CLTCL1: variants seen among roughly 807,000 people sequenced by gnomAD.
CLTCL1 encodes clathrin heavy chain 2.
Under a neutral mutation model 190.0 loss-of-function variants are expected in CLTCL1, and 159 were observed. The observed-to-expected ratio is 0.84, with a 90% CI of 0.74 to 0.95. The LOEUF (loss-of-function observed/expected upper bound fraction) is 0.95. CLTCL1 is among the 40% of genes least tolerant of loss of function. The probability of loss-of-function intolerance (pLI) is 0.00; values close to 1 mark genes in which losing one functional copy is unlikely to be tolerated. For synonymous variants in CLTCL1, 752 were observed against 769.6 expected (o/e 0.98, Z 0.38); for missense variants, 1,878 against 2,033.4 (o/e 0.92, Z 1.47).
chr22:19,265,340 A>C (rs1482878547), intron 2 of CLTCL1, among the ~76,000 whole-genome samples: 1 of 152,198 alleles, frequency 6.6e-6, no homozygotes, highest in Non-Finnish European at 1.5e-5. Flanking sequence ...ATCAGACTGA[A>C]CTAAGATGGG....
chr22:19,188,207 A>AG, intron 27 of CLTCL1, 116 bp from the exon 28 acceptor site: 1 of 882,728 alleles, frequency 1.1e-6, no homozygotes, highest in Non-Finnish European at 1.9e-6. Flanking sequence ...CTCTGGAGCC[A>AG]AGGGCACCTT....
At chr22:19,185,129 C>T (rs562343633) in intron 29 of CLTCL1, among the ~76,000 whole-genome samples, 320 of 152,340 alleles carry the variant, frequency 2.1e-3, no homozygotes, top group African/African-American at 7.3e-3. Flanking sequence ...GGCCTCAGGG[C>T]AGGCTCCTCC....
At chr22:19,227,513 T>C (rs1214800069) in intron 11 of CLTCL1, among the ~76,000 whole-genome samples, 1 of 149,108 alleles carries the variant, frequency 6.7e-6, no homozygotes, top group African/African-American at 2.5e-5. Context: ...TGCAGTGGCA[T>C]GACCCCACCC....
intron 32 of CLTCL1, 98 bp from the exon 33 acceptor site, chr22:19,180,067 CTA>C (rs2084077416): frequency 1.3e-6 from 1 of 773,588 alleles, no homozygotes; most frequent in South Asian, 1.6e-5. Context: ...GGAGCAGGGT[CTA>C]TAGGACCAGC....
chr22:19,269,501 C>A (rs551804529), intron 2 of CLTCL1, among the ~76,000 whole-genome samples: 71 of 152,300 alleles, frequency 4.7e-4, no homozygotes, highest in African/African-American at 1.7e-3. Context: ...ATGTTTATTG[C>A]AGCACTATTT....
chr22:19,233,081 A>C (rs2085964268), intron 9 of CLTCL1, 85 bp downstream of exon 9: 1 of 1,411,632 alleles, frequency 7.1e-7, no homozygotes, highest in African/African-American at 1.4e-5. Context: ...CTTACAAAGA[A>C]GGGTATTTTA....
chr22:19,278,495 G>T (rs1244414037), intron 1 of CLTCL1, among the ~76,000 whole-genome samples: 1 of 152,128 alleles, frequency 6.6e-6, no homozygotes, highest in Non-Finnish European at 1.5e-5. Context: ...CTTAAGTAAA[G>T]TTAACATATT....
chr22:19,284,287 A>G (rs554462792), intron 1 of CLTCL1, among the ~76,000 whole-genome samples: 13 of 152,302 alleles, frequency 8.5e-5, no homozygotes, highest in African/African-American at 2.9e-4. Flanking sequence ...CCTTGTGCCT[A>G]GCATATGGAT....
chr22:19,249,016 T>G (rs955188570), intron 3 of CLTCL1, among the ~76,000 whole-genome samples: 2 of 152,222 alleles, frequency 1.3e-5, no homozygotes, highest in African/African-American at 4.8e-5. Context: ...CTGAACTGTC[T>G]TGGCAACCTT....
At chr22:19,288,277 A>G (rs545662912) in intron 1 of CLTCL1, among the ~76,000 whole-genome samples, 1 of 152,272 alleles carries the variant, frequency 6.6e-6, no homozygotes, top group Non-Finnish European at 1.5e-5. Context: ...ATTATTAGTT[A>G]TCATTGTTAA....
At chr22:19,190,076 G>A in intron 27 of CLTCL1, among the ~76,000 whole-genome samples, 1 of 152,192 alleles carries the variant, frequency 6.6e-6, no homozygotes, top group Non-Finnish European at 1.5e-5. Flanking sequence ...AAGTAGCTGG[G>A]ACTACAGGTG....
intron 16 of CLTCL1, 74 bp downstream of exon 16, chr22:19,221,877 G>T: frequency 6.5e-7 from 1 of 1,530,012 alleles, no homozygotes; most frequent in Non-Finnish European, 8.9e-7. Flanking sequence ...AGACAGTCCT[G>T]GAGAATTAGA....
intron 4 of CLTCL1, among the ~76,000 whole-genome samples, 152 bp from the exon 5 acceptor site, chr22:19,239,540 C>T (rs1380222487): frequency 2.0e-5 from 3 of 152,212 alleles, no homozygotes; most frequent in African/African-American, 4.8e-5. Flanking sequence ...ACCCCCTTGT[C>T]GGAGTGCCTG....
At chr22:19,202,493 C>T (rs1276683059) in intron 22 of CLTCL1, among the ~76,000 whole-genome samples, 9 of 149,376 alleles carry the variant, frequency 6.0e-5, no homozygotes, top group African/African-American at 1.7e-4. Flanking sequence ...CGGTACCTCC[C>T]GCACCACCCC....
intron 2 of CLTCL1, among the ~76,000 whole-genome samples, chr22:19,267,974 GA>G (rs1373500299): frequency 2.5e-4 from 37 of 148,468 alleles, no homozygotes; most frequent in Middle Eastern, 3.4e-3. Context: ...ATCCATTAAA[GA>G]AAAAAAAAAT....
chr22:19,279,125 T>C (rs1350744918), intron 1 of CLTCL1, among the ~76,000 whole-genome samples: 6 of 151,890 alleles, frequency 4.0e-5, no homozygotes, highest in African/African-American at 7.3e-5. Flanking sequence ...AGTTACAGTA[T>C]TTATGTATTT....
At chr22:19,199,384 G>A (rs1277562244) in intron 24 of CLTCL1, among the ~76,000 whole-genome samples, 3 of 152,138 alleles carry the variant, frequency 2.0e-5, no homozygotes, top group African/African-American at 4.8e-5. Context: ...ACTAGGCTAT[G>A]GACTAGAGCT....
intron 29 of CLTCL1, among the ~76,000 whole-genome samples, chr22:19,186,265 G>A (rs1339672167): frequency 1.3e-5 from 2 of 152,130 alleles, no homozygotes; most frequent in African/African-American, 2.4e-5. Context: ...GGCACAAGGA[G>A]CCCTTGGGAA....
At chr22:19,182,615 TA>T (rs1218594791) in intron 30 of CLTCL1, 1 of 152,212 alleles carries the variant, frequency 6.6e-6, no homozygotes, top group Admixed American at 6.5e-5. Context: ...GTTTCCTTCC[TA>T]CCTCCCACTC....
Sources: gnomAD v4.1 joint callset for allele counts (sites outside exome capture counted in the v4.1 genomes callset) on GRCh38, gnomAD v4.1.1 for gene constraint, MANE v1.5 for transcripts, NCBI Gene and HGNC (gene_info 2026-07-23, HGNC 2026-07-21) for gene names.